KPNA7: variants seen among roughly 807,000 people sequenced by gnomAD.
KPNA7 encodes importin subunit alpha-8.
Under a neutral mutation model 53.7 loss-of-function variants are expected in KPNA7, and 54 were observed. The observed-to-expected ratio is 1.01, with a 90% CI of 0.81 to 1.26. The LOEUF (loss-of-function observed/expected upper bound fraction) is 1.26, where lower values mean the gene tolerates loss of function less well. KPNA7 is among the 50% of genes most tolerant of loss of function. KPNA7 has a pLI of 0.00. For synonymous variants in KPNA7, 276 were observed against 259.3 expected (o/e 1.06, Z -0.62); for missense variants, 640 against 644.5 (o/e 0.99, Z 0.07).
At position 99,192,555 on chromosome 7, in the gene KPNA7, G is replaced by A. The variant is rs7779268; in HGVS notation, c.636+464C>T. On this transcript the variant is annotated intron_variant, in intron 6 of 10. Transcript: ENST00000327442. ...AGCCTCCTGAGTAGCTGAGACTACA[G>A]GTGTACGCTACCATGCTCAGCTAAT... Among the ~76,000 whole-genome samples, 5 of 152,108 alleles carry A rather than the reference G, an allele frequency of 3.3e-5. No individual in the cohort carries two copies. In the East Asian group the frequency reaches 9.6e-4, roughly 29 times the overall value.
At chr7:99,199,955 C>G (rs1790427168) in intron 3 of KPNA7, among the ~76,000 whole-genome samples, 1 of 152,114 alleles carries the variant, frequency 6.6e-6, no homozygotes, top group Non-Finnish European at 1.5e-5. Flanking sequence ...CAGTCTCGCT[C>G]TCTTACTCAG....
chr7:99,175,359 G>A (rs150123924), intron 10 of KPNA7, among the ~76,000 whole-genome samples: 1 of 152,006 alleles, frequency 6.6e-6, no homozygotes, highest in African/African-American at 2.4e-5. Flanking sequence ...TGTATTTTTT[G>A]TAGATATGGG....
chr7:99,150,423 C>CTTTTTTTTTTTTTT, the KPNA7 span, among the ~76,000 whole-genome samples: 2 of 132,446 alleles, frequency 1.5e-5, 1 homozygote, highest in Non-Finnish European at 3.1e-5. Flanking sequence ...TCATTCTTCT[C>CTTTTTTTTTTTTTT]TTTTTTTTGA....
intron 6 of KPNA7, 141 bp downstream of exon 6, chr7:99,192,878 C>A: frequency 1.8e-6 from 1 of 562,628 alleles, no homozygotes; most frequent in South Asian, 2.8e-5. Flanking sequence ...TCCATAATCC[C>A]AGAACTTTGA....
chr7:99,214,902 C>T (rs1316928636), intron 1 of KPNA7, among the ~76,000 whole-genome samples: 2 of 152,058 alleles, frequency 1.3e-5, no homozygotes. Flanking sequence ...CTTGTTGCTA[C>T]GCTTCACATG....
chr7:99,189,877 C>T (rs570006278), intron 6 of KPNA7, among the ~76,000 whole-genome samples: 279 of 152,154 alleles, frequency 1.8e-3, no homozygotes, highest in African/African-American at 5.5e-3. Context: ...CAGACATAAG[C>T]GCCTGGCCTC....
At chr7:99,188,088 T>C (rs1789713610) in intron 7 of KPNA7, among the ~76,000 whole-genome samples, 1 of 146,982 alleles carries the variant, frequency 6.8e-6, no homozygotes, top group African/African-American at 2.6e-5. Context: ...GATAGGAGAA[T>C]CGCTTGAACC....
rs182170297 is a variant in KPNA7 at position 99,192,328 on chromosome 7, G to A, written c.636+691C>T. ...AAGCTTGTAGGCCTCTTCCAATGCC[G>A]CAAAGAGAAGGATCAGTGCTACTGG... On this transcript the variant is annotated intron_variant, in intron 6 of 10. Transcript: ENST00000327442. Among the ~76,000 whole-genome samples the A allele has an allele frequency of 9.9e-5, 15 of 152,256 alleles. No homozygotes were observed. The South Asian group carries it at 1.2e-3, about 13-fold the overall frequency.
upstream of KPNA7, among the ~76,000 whole-genome samples, chr7:99,212,733 A>G (rs1791108500): frequency 6.6e-6 from 1 of 151,936 alleles, no homozygotes; most frequent in Non-Finnish European, 1.5e-5. Context: ...CTACCAAAAA[A>G]GATTAAAAAA....
In KPNA7 at chr7:99,178,099, C is replaced by T. The variant is rs560615399; in HGVS notation, c.1318-33G>A. 21 of 1,544,880 alleles carry T rather than the reference C, an allele frequency of 1.4e-5. No individual in the cohort carries two copies. The African/African-American group carries it at 1.6e-4, about 12-fold the overall frequency. ...CAAGTACAAGGGGACATGAGACCCCCGGCAGGAGCCTTTGGGGGATAGGGA... is the reference window on the plus strand; with the variant it reads ...CAAGTACAAGGGGACATGAGACCCCTGGCAGGAGCCTTTGGGGGATAGGGA... On this transcript the variant is annotated intron_variant, in intron 9 of 10. Transcript: ENST00000327442.
intron 1 of KPNA7, among the ~76,000 whole-genome samples, chr7:99,216,398 C>T (rs1791217675): frequency 6.6e-6 from 1 of 152,118 alleles, no homozygotes; most frequent in Admixed American, 6.6e-5. Context: ...GTGATTAAGA[C>T]AAATGTCATC....
At chr7:99,213,275 C>T (rs1221923244) in intron 1 of KPNA7, among the ~76,000 whole-genome samples, 1 of 151,444 alleles carries the variant, frequency 6.6e-6, no homozygotes, top group Non-Finnish European at 1.5e-5. Flanking sequence ...TAAAGGCTCA[C>T]ACCACCACAC....
chr7:99,154,748 A>T, the KPNA7 span, among the ~76,000 whole-genome samples: 2 of 151,318 alleles, frequency 1.3e-5, no homozygotes, highest in Non-Finnish European at 2.9e-5. Context: ...GCTGGTCTCG[A>T]TCTCCTGACC....
chr7:99,152,353 G>A, the KPNA7 span, among the ~76,000 whole-genome samples: 6 of 132,584 alleles, frequency 4.5e-5, no homozygotes, highest in South Asian at 7.5e-4. Context: ...GAGAGACTCC[G>A]TCTCAAAAAA....
At chr7:99,165,992 TAA>T in the KPNA7 span, among the ~76,000 whole-genome samples, 32,128 of 151,960 alleles carry the variant, frequency 0.21, 3,508 homozygotes, top group South Asian at 0.33. Flanking sequence ...TCTGGTTGTT[TAA>T]AAGTGTGCAG....
chr7:99,203,351 T>C, intron 2 of KPNA7, 111 bp from the exon 3 acceptor site: 1 of 1,146,406 alleles, frequency 8.7e-7, no homozygotes, highest in Non-Finnish European at 1.2e-6. Context: ...TACAATAGGC[T>C]GGAAAAGTTC....
At chr7:99,180,150 A>G (rs1349976851) in intron 9 of KPNA7, among the ~76,000 whole-genome samples, 4 of 152,160 alleles carry the variant, frequency 2.6e-5, no homozygotes, top group Non-Finnish European at 4.4e-5. Context: ...AGGCAGCCCA[A>G]TGGAGAAGGT....
chr7:99,201,568 CAGA>C (rs1305367875), intron 3 of KPNA7, among the ~76,000 whole-genome samples: 8 of 150,716 alleles, frequency 5.3e-5, no homozygotes, highest in Non-Finnish European at 7.4e-5. Context: ...GAGGCTGAGG[CAGA>C]AGAATTGCTT....
At chr7:99,213,430 TAAA>T (rs61231738) in intron 1 of KPNA7, among the ~76,000 whole-genome samples, 1,571 of 72,876 alleles carry the variant, frequency 0.022, 19 homozygotes, top group African/African-American at 0.025. Context: ...CCTGGCCTTT[TAAA>T]AAAAAAAAAA....
Sources: gnomAD v4.1 joint callset for allele counts (sites outside exome capture counted in the v4.1 genomes callset) on GRCh38, gnomAD v4.1.1 for gene constraint, MANE v1.5 for transcripts, NCBI Gene and HGNC (gene_info 2026-07-23, HGNC 2026-07-21) for gene names.